Variants in SUN2 observed in about 807,000 individuals in gnomAD.
The protein encoded by SUN2 is SUN domain-containing protein 2.
SUN2 carries 60 observed loss-of-function variants against 100.0 expected under a neutral mutation model. That is an observed-to-expected ratio of 0.60 (90% CI 0.49 to 0.74). SUN2 has a LOEUF of 0.74. Ranked by LOEUF, SUN2 falls within the 30% of genes least tolerant of loss-of-function variation. The probability of loss-of-function intolerance (pLI) is 0.00; values close to 1 mark genes in which losing one functional copy is unlikely to be tolerated. For synonymous variants in SUN2, 367 were observed against 403.3 expected, an observed-to-expected ratio of 0.91 and a Z score of 1.08; for missense variants, 834 against 954.6, an observed-to-expected ratio of 0.87 and a Z score of 1.66.
intron 5 of SUN2, 133 bp downstream of exon 5, chr22:38,750,092 G>T: frequency 1.4e-6 from 2 of 1,387,630 alleles, no homozygotes; most frequent in Non-Finnish European, 1.9e-6. Context: ...GGCTCCCAGT[G>T]ATTATTCTAG....
At chr22:38,743,783 A>C (rs2092879782) in intron 8 of SUN2, 2 of 152,314 alleles carry the variant, frequency 1.3e-5, no homozygotes, top group South Asian at 4.1e-4. Context: ...CTGAAATTGA[A>C]CTGTATTTAA....
At chr22:38,746,889 C>T (rs1052252760) in intron 7 of SUN2, among the ~76,000 whole-genome samples, 2 of 151,830 alleles carry the variant, frequency 1.3e-5, no homozygotes, top group South Asian at 4.1e-4. Context: ...AAGAAATTAG[C>T]CAGGCGTGGT....
Position 38,740,915 on chromosome 22 carries a change from TCTCTG to T in SUN2, c.1190+87_1190+91del. The T allele has an allele frequency of 7.4e-7, 1 of 1,354,052 alleles. No homozygotes were observed. Among genetic ancestry groups the T allele is most frequent in the Non-Finnish European group, 1.0e-6 (1 of 974,430 alleles). 83.9% of individuals were successfully genotyped at this position (1,354,052 alleles called of 1,614,324 possible). On this transcript the variant is annotated intron_variant, in intron 11 of 17. Transcript: ENST00000689035. This position sits in a 1 kb window ranked among gnomAD's most constrained non-coding sequence, Gnocchi z 4.8. ...ATCTGCTTGGCAAGATGATCAGAAC[TCTCTG>T]CTCTGCGGCTCTGCTCCCCAGTCCT...
intron 10 of SUN2, 139 bp downstream of exon 10, chr22:38,741,355 C>A (rs916929404): frequency 2.3e-6 from 2 of 885,680 alleles, no homozygotes; most frequent in Non-Finnish European, 3.5e-6. Context: ...GGGGGTCAAA[C>A]AGAGAAGTCA....
intron 8 of SUN2, among the ~76,000 whole-genome samples, chr22:38,743,338 A>G (rs138710): frequency 0.34 from 52,311 of 152,064 alleles, 9,406 homozygotes; most frequent in East Asian, 0.46. Flanking sequence ...TGTAATCCCA[A>G]CACTTTGGGA....
chr22:38,745,585 TG>T, intron 8 of SUN2, 98 bp downstream of exon 8: 1 of 1,493,740 alleles, frequency 6.7e-7, no homozygotes, highest in East Asian at 2.3e-5. Context: ...GCCTCAGCTT[TG>T]TGTGTACGGT....
chr22:38,750,973 C>T lies in SUN2; in HGVS notation c.349G>A (p.Gly117Arg), dbSNP rs769749782. The change falls in exon 4 of 18, where the codon GGG becomes AGG. Residue 117 changes from glycine to arginine, a missense_variant. Gly to Arg is a moderately radical substitution (Grantham distance 125). Around this residue, in one of 3 missense-constraint regions of SUN2, gnomAD observed 559 missense variants for 597.7 expected, o/e 0.94. Transcript: ENST00000689035. Reference sequence around the variant, plus strand: ...TCGGTGGCCTTGCGCCCCACAAGCCCGCTGGCCCTGCTGCTCTCTGAGCCA... The same window carrying T: ...TCGGTGGCCTTGCGCCCCACAAGCCTGCTGGCCCTGCTGCTCTCTGAGCCA... The part of the protein sequence containing the change: ...TGGSESSRAS[G>R]LVGRKATEDF... The T allele has an allele frequency of 8.7e-6, 14 of 1,613,744 alleles. No homozygotes were observed. Among genetic ancestry groups the T allele is most frequent in the East Asian group, 2.2e-5 (1 of 44,890 alleles).
In SUN2 at chr22:38,739,510, T is replaced by C; in HGVS notation, c.1579-84A>G. On this transcript the variant is annotated intron_variant, in intron 13 of 17. Transcript: ENST00000689035. The surrounding 1 kb of genome is among the most constrained non-coding windows in gnomAD (Gnocchi z 6.7). The stretch of plus-strand genomic sequence containing the variant: ...CTCGTGGCCGTGGGCCAAGGACCCA[T>C]GGGCTGACCCCTTCTAGGCTTGCAC... The C allele has an allele frequency of 4.7e-6, 7 of 1,489,872 alleles. No individual in the cohort carries two copies. Among genetic ancestry groups the C allele is most frequent in the East Asian group, 4.7e-5 (2 of 42,552 alleles). The allele number at this position is 1,489,872 out of a possible 1,614,324, so 92.3% of individuals were successfully genotyped here.
chr22:38,749,650 C>A, intron 6 of SUN2, 116 bp downstream of exon 6: 1 of 963,548 alleles, frequency 1.0e-6, no homozygotes, highest in Non-Finnish European at 1.6e-6. Flanking sequence ...CTAATAAAGG[C>A]TCCAGGGAAA....
intron 7 of SUN2, among the ~76,000 whole-genome samples, chr22:38,747,112 A>G (rs1337289038): frequency 1.3e-5 from 2 of 152,068 alleles, no homozygotes; most frequent in Admixed American, 6.5e-5. Flanking sequence ...CAGGTGGATC[A>G]CTTGAGGTCA....
chr22:38,750,820 C>T (rs1403685111), intron 4 of SUN2, 78 bp downstream of exon 4: 3 of 1,585,200 alleles, frequency 1.9e-6, no homozygotes, highest in African/African-American at 2.7e-5. Flanking sequence ...TCTCCAGCTC[C>T]CCGGGGCTCC....
At position 38,734,861 on chromosome 22, in the gene SUN2, G is replaced by A. The variant is rs1432347088; in HGVS notation, c.*1406C>T. 3 of 191,778 alleles carry A rather than the reference G, an allele frequency of 1.6e-5. No homozygotes were observed. The highest frequency in any genetic ancestry group is 1.1e-4 in the Admixed American group (2 of 18,458). The allele number at this position is 191,778 out of a possible 1,614,324, so 11.9% of individuals were successfully genotyped here. A position where few individuals can be genotyped will look rare whatever the true frequency, so the allele number is the denominator to read the frequency against. On this transcript the variant is annotated 3_prime_UTR_variant, in exon 18 of 18. Transcript: ENST00000689035. The stretch of plus-strand genomic sequence containing the variant: ...AACCCTGGCTGCCTCGGGATGGAGC[G>A]GGGCGGCCTCACCACCACTGCATCC...
rs2091643575 is a variant in SUN2 at position 38,748,883 on chromosome 22, G to T, written c.615-100C>A. 5.7e-6 allele frequency: 7 copies of T among 1,225,324 alleles called. No individual in the cohort carries two copies. The East Asian group carries it at 9.3e-5, about 16-fold the overall frequency. The allele number at this position is 1,225,324 out of a possible 1,614,324, so 75.9% of individuals were successfully genotyped here. The stretch of plus-strand genomic sequence containing the variant: ...GGAGTACCCTGAGATGTTTTCCTGG[G>T]TGCTGAACTAGAGCTAAGGAGGATA... On this transcript the variant is annotated intron_variant, in intron 6 of 17. Coordinates refer to ENST00000689035, the MANE Select transcript of SUN2 (RefSeq NM_015374.3).
chr22:38,749,300 C>G (rs2092926073), intron 6 of SUN2, among the ~76,000 whole-genome samples: 1 of 152,118 alleles, frequency 6.6e-6, no homozygotes, highest in Non-Finnish European at 1.5e-5. Flanking sequence ...GGGGAATGAA[C>G]CCATAGCATC....
At chr22:38,746,439 C>T (rs923456094) in intron 7 of SUN2, among the ~76,000 whole-genome samples, 21 of 152,110 alleles carry the variant, frequency 1.4e-4, no homozygotes, top group African/African-American at 4.3e-4. Flanking sequence ...GGGCAGGTGG[C>T]AGGGGAGCGG....
intron 4 of SUN2, 46 bp downstream of exon 4, chr22:38,750,852 T>A: frequency 1.2e-6 from 2 of 1,606,868 alleles, no homozygotes; most frequent in Non-Finnish European, 1.7e-6. Flanking sequence ...TCCTGAGGCC[T>A]CCCAGCAGCC....
intron 7 of SUN2, among the ~76,000 whole-genome samples, chr22:38,747,984 G>C (rs2092916839): frequency 6.6e-6 from 1 of 151,934 alleles, no homozygotes; most frequent in African/African-American, 2.4e-5. Context: ...CTAGCGCCTG[G>C]GATGATTCAG....
Position 38,745,821 on chromosome 22 carries a change from G to A in SUN2, c.686-10C>T, listed in dbSNP as rs1240091067. 1 of 1,613,108 alleles carries A rather than the reference G, an allele frequency of 6.2e-7. No individual in the cohort carries two copies. ...TAGAAATACCAAGCACCTGTGCACA[G>A]GGGAGAGGGTGTTACCCCAGCTGGG... is the stretch of plus-strand genomic sequence containing the variant. On this transcript the variant is annotated splice_polypyrimidine_tract_variant and intron_variant, in intron 7 of 17. Transcript: ENST00000689035.
chr22:38,740,546 C>T lies in SUN2; in HGVS notation c.1191-114G>A. ...TCCCGTCAGGAGAGCGGGTGCCCAG[C>T]ACTCATTGTGAACCTGAGAAGGGGC... On this transcript the variant is annotated intron_variant, in intron 11 of 17. Coordinates refer to ENST00000689035, the MANE Select transcript of SUN2 (RefSeq NM_015374.3). This position sits in a 1 kb window ranked among gnomAD's most constrained non-coding sequence, Gnocchi z 4.8. 8.3e-7 allele frequency: 1 copy of T among 1,212,022 alleles called. No homozygotes were observed. Among genetic ancestry groups the T allele is most frequent in the Non-Finnish European group, 1.1e-6 (1 of 903,644 alleles). The allele number at this position is 1,212,022 out of a possible 1,614,324, so 75.1% of individuals were successfully genotyped here. A position where few individuals can be genotyped will look rare whatever the true frequency, so the allele number is the denominator to read the frequency against.
Sources: gnomAD v4.1 joint callset for allele counts (sites outside exome capture counted in the v4.1 genomes callset) on GRCh38, gnomAD v4.1.1 for gene constraint, gnomAD v4.1.1 regional missense constraint, Gnocchi (gnomAD v3.1) non-coding constraint, MANE v1.5 for transcripts, NCBI Gene and HGNC (gene_info 2026-07-23, HGNC 2026-07-21) for gene names.